The following PXDN variants were observed in gnomAD, a reference collection of about 807,000 sequenced individuals.
The protein encoded by PXDN is peroxidasin homolog.
A neutral mutation model predicts 140.3 loss-of-function variants in PXDN; 77 were observed. The observed-to-expected ratio is 0.55, with a 90% CI of 0.46 to 0.66. The LOEUF (loss-of-function observed/expected upper bound fraction) is 0.66, where lower values mean the gene tolerates loss of function less well. Among genes scored for constraint, PXDN ranks in the 30% least tolerant of loss-of-function variants. PXDN has a pLI of 0.00. For synonymous variants in PXDN, 911 were observed against 857.4 expected, an observed-to-expected ratio of 1.06 and a Z score of -1.09; for missense variants, 1,838 against 2,039.5, an observed-to-expected ratio of 0.90 and a Z score of 1.90.
Position 1,663,693 on chromosome 2 carries a change from G to C in PXDN, c.1479C>G (p.Ala493=). The C allele has an allele frequency of 6.2e-6, 10 of 1,613,972 alleles. No homozygotes were observed. Among genetic ancestry groups the C allele is most frequent in the Non-Finnish European group, 8.5e-6 (10 of 1,179,908 alleles). ...ATTCGTACTGGCCCTGGTCGTGGAGGGCAACACCAGAGATTCTAAGTGTTC... is the reference window on the plus strand; with the variant it reads ...ATTCGTACTGGCCCTGGTCGTGGAGCGCAACACCAGAGATTCTAAGTGTTC... ...SSGTLRISGV[A]LHDQGQYECQ... Residue 493 remains alanine, a synonymous_variant, in exon 12 of 23, where the codon GCC becomes GCG. Coordinates refer to ENST00000252804, the MANE Select transcript of PXDN (RefSeq NM_012293.3).
intron 14 of PXDN, among the ~76,000 whole-genome samples, chr2:1,656,417 C>T (rs916191752): frequency 2.6e-5 from 4 of 152,242 alleles, no homozygotes; most frequent in African/African-American, 7.2e-5. Context: ...TTTTGACAGA[C>T]GCTGACACAG....
At chr2:1,686,885 C>A (rs948805093) in intron 4 of PXDN, among the ~76,000 whole-genome samples, 1 of 152,226 alleles carries the variant, frequency 6.6e-6, no homozygotes, top group Non-Finnish European at 1.5e-5. Flanking sequence ...GGACGTCACG[C>A]TGCGTCACAG....
At position 1,687,288 on chromosome 2, in the gene PXDN, A is replaced by T. The variant is rs1684083073; in HGVS notation, c.416+344T>A. 2.6e-5 allele frequency among the ~76,000 whole-genome samples: 4 copies of T among 152,178 alleles called. No homozygotes were observed. The highest frequency in any genetic ancestry group is 7.2e-5 in the African/African-American group (3 of 41,442). On this transcript the variant is annotated intron_variant, in intron 4 of 22. Coordinates refer to ENST00000252804, the MANE Select transcript of PXDN (RefSeq NM_012293.3). This position sits in a 1 kb window ranked among gnomAD's most constrained non-coding sequence, Gnocchi z 4.0. ...TATTTCCCCTGTGAAGGATGCCTTG[A>T]TCGGACTTGGGCGCCTGCCTGTCTC...
rs755434015 is a variant in PXDN, at chr2:1,644,716, C to T, written c.3645G>A (p.Pro1215=). ...YGSTLNIDLF[P]ALVVEDLVPG... ...GCACCAGGTCCTCCACCACGAGCGC[C>T]GGAAACAGGTCGATGTTGAGTGTCG... is the stretch of plus-strand genomic sequence containing the variant. Residue 1215 remains proline (P), a synonymous_variant, in exon 18 of 23, where the codon CCG becomes CCA. Coordinates refer to ENST00000252804, the MANE Select transcript of PXDN (RefSeq NM_012293.3). 19 of 1,593,434 alleles carry T rather than the reference C, an allele frequency of 1.2e-5. No homozygotes were observed. The highest frequency in any genetic ancestry group is 2.7e-5 in the African/African-American group (2 of 74,312).
At position 1,672,868 on chromosome 2, in the gene PXDN, CAGA is replaced by C. The variant is rs371050404; in HGVS notation, c.1018+772_1018+774del. On this transcript the variant is annotated intron_variant, in intron 9 of 22. Coordinates refer to ENST00000252804, the MANE Select transcript of PXDN (RefSeq NM_012293.3). The stretch of plus-strand genomic sequence containing the variant: ...ATTTGTGGCTGAAGCTAAAGGCAGC[CAGA>C]AGGTTTCAGAGAGGAAGTTACACCT... Among the ~76,000 whole-genome samples, 61 of 152,326 alleles carry C rather than the reference CAGA, an allele frequency of 4.0e-4. No homozygotes were observed. In the East Asian group the frequency reaches 6.6e-3, roughly 16 times the overall value.
Position 1,660,976 on chromosome 2 carries a change from A to G in PXDN, c.1742T>C (p.Ile581Thr). 1 of 1,614,026 alleles carries G rather than the reference A, an allele frequency of 6.2e-7. No homozygotes were observed. Among genetic ancestry groups the G allele is most frequent in the Non-Finnish European group, 8.5e-7 (1 of 1,179,902 alleles). ...TGCGTCTGCAGGGCCAACGTCATTG[A>G]TGGTCAAGAATCCTTCAGGGCTGAT... ...FHISPEGFLT[I>T]NDVGPADAGR... The change falls in exon 14 of 23, where the codon ATC becomes ACC. Residue 581 changes from isoleucine to threonine, a missense_variant. Transcript: ENST00000252804. The surrounding 1 kb of genome is among the most constrained non-coding windows in gnomAD (Gnocchi z 4.6).
At chr2:1,690,615 C>T (rs1461639184) in intron 3 of PXDN, among the ~76,000 whole-genome samples, 3 of 147,430 alleles carry the variant, frequency 2.0e-5, no homozygotes, top group Non-Finnish European at 4.5e-5. Flanking sequence ...AAACAAAAGC[C>T]CTCTTCTGGA....
At position 1,639,173 on chromosome 2, in the gene PXDN, A is replaced by G. The variant is rs944486900; in HGVS notation, c.4073+129T>C. ...GGACGCAGGCTGCGGCCTGGCCCCCAGTGCCCTGGGACGTCCCTGCCAGGA... is the reference window on the plus strand; with the variant it reads ...GGACGCAGGCTGCGGCCTGGCCCCCGGTGCCCTGGGACGTCCCTGCCAGGA... On this transcript the variant is annotated intron_variant, in intron 20 of 22. Coordinates refer to ENST00000252804, the MANE Select transcript of PXDN (RefSeq NM_012293.3). The surrounding 1 kb of genome is among the most constrained non-coding windows in gnomAD (Gnocchi z 5.0). 3.0e-5 allele frequency: 45 copies of G among 1,494,440 alleles called. No individual in the cohort carries two copies. Among genetic ancestry groups the G allele is most frequent in the Non-Finnish European group, 3.7e-5 (41 of 1,110,126 alleles). 92.6% of individuals were successfully genotyped at this position (1,494,440 alleles called of 1,614,324 possible).
intron 1 of PXDN, among the ~76,000 whole-genome samples, chr2:1,716,200 G>A (rs866823449): frequency 5.9e-5 from 9 of 152,152 alleles, no homozygotes; most frequent in African/African-American, 2.2e-4. Flanking sequence ...CACTTTGGCA[G>A]GCTGAGGAGG....
chr2:1,689,539 T>C (rs1282723878), intron 3 of PXDN, among the ~76,000 whole-genome samples: 1 of 152,140 alleles, frequency 6.6e-6, no homozygotes, highest in Admixed American at 6.5e-5. Flanking sequence ...TCTCAGCACT[T>C]TGGGAGGCCA....
chr2:1,658,355 CT>C (rs1234837064), intron 14 of PXDN, among the ~76,000 whole-genome samples: 1 of 152,102 alleles, frequency 6.6e-6, no homozygotes, highest in Non-Finnish European at 1.5e-5. Context: ...TCCATCTCTT[CT>C]TCCCCAAGCC....
At chr2:1,645,247 T>G (rs1021182191) in intron 17 of PXDN, among the ~76,000 whole-genome samples, 1 of 152,222 alleles carries the variant, frequency 6.6e-6, no homozygotes, top group Non-Finnish European at 1.5e-5. Flanking sequence ...AAATATCTGC[T>G]AAGCAAAGAT....
At chr2:1,709,117 G>A (rs576602654) in intron 1 of PXDN, among the ~76,000 whole-genome samples, 1 of 152,308 alleles carries the variant, frequency 6.6e-6, no homozygotes, top group East Asian at 1.9e-4. Context: ...CCGTGGAACT[G>A]CAAAGAATAT....
chr2:1,710,949 GCTCCACCAGTACCCA>G (rs1684754565), intron 1 of PXDN, among the ~76,000 whole-genome samples: 1 of 85,588 alleles, frequency 1.2e-5, no homozygotes, highest in Non-Finnish European at 2.1e-5. Context: ...ATGAACACCC[GCTCCACCAGTACCCA>G]CTCTCCACCA....
In PXDN at chr2:1,648,862, G is replaced by A; in HGVS notation, c.2918C>T (p.Ala973Val). 1 of 1,601,048 alleles carries A rather than the reference G, an allele frequency of 6.2e-7. No homozygotes were observed. The highest frequency in any genetic ancestry group is 8.5e-7 in the Non-Finnish European group (1 of 1,176,802). ...CTGCTCGTTGGCGCGGTGGTCCCCG[G>A]CCAGGAAGCAGGGGATGGGGCTCTC... ...ENESPIPCFL[A>V]GDHRANEQLG... The change falls in exon 17 of 23, where the codon GCC becomes GTC. Residue 973 changes from alanine (A) to valine (V), a missense_variant. Transcript: ENST00000252804. The surrounding 1 kb of genome is among the most constrained non-coding windows in gnomAD (Gnocchi z 8.9).
chr2:1,688,500 A>G (rs1158980223), intron 3 of PXDN, among the ~76,000 whole-genome samples: 2 of 152,212 alleles, frequency 1.3e-5, no homozygotes, highest in Non-Finnish European at 2.9e-5. Flanking sequence ...TCACAATTCC[A>G]AAAAGAGCCA....
At chr2:1,678,785 G>A (rs773136800) in intron 7 of PXDN, among the ~76,000 whole-genome samples, 12 of 152,216 alleles carry the variant, frequency 7.9e-5, no homozygotes, top group Non-Finnish European at 1.8e-4. Context: ...TCTGGGAGCT[G>A]TTGACAGCCA....
intron 1 of PXDN, among the ~76,000 whole-genome samples, chr2:1,702,304 C>G (rs991558604): frequency 6.6e-6 from 1 of 152,214 alleles, no homozygotes; most frequent in Admixed American, 6.5e-5. Context: ...TGCCACCCCC[C>G]CAACCCCGGC....
At chr2:1,670,280 T>C (rs991461844) in intron 9 of PXDN, among the ~76,000 whole-genome samples, 7 of 152,328 alleles carry the variant, frequency 4.6e-5, no homozygotes, top group South Asian at 2.1e-4. Flanking sequence ...ATTTAGATCA[T>C]GGAATTCTAT....
Sources: gnomAD v4.1 joint callset for allele counts (sites outside exome capture counted in the v4.1 genomes callset) on GRCh38, gnomAD v4.1.1 for gene constraint, Gnocchi (gnomAD v3.1) non-coding constraint, MANE v1.5 for transcripts, NCBI Gene and HGNC (gene_info 2026-07-23, HGNC 2026-07-21) for gene names.